PPM1H: variants seen among roughly 807,000 people sequenced by gnomAD.
PPM1H encodes the protein protein phosphatase, Mg2+/Mn2+ dependent 1H.
In PPM1H, 27 loss-of-function variants were observed where a neutral mutation model predicts 54.9. That is an observed-to-expected ratio of 0.49 (90% confidence interval 0.36 to 0.68). The LOEUF is 0.68. Among genes scored for constraint, PPM1H ranks in the 30% least tolerant of loss-of-function variants. PPM1H has a pLI of 0.00. For synonymous variants in PPM1H, 305 were observed against 270.8 expected, an observed-to-expected ratio of 1.13 and a Z score of -1.24; for missense variants, 596 against 667.8, an observed-to-expected ratio of 0.89 and a Z score of 1.19.
At chr12:62,790,161 C>G (rs1346593578) in intron 3 of PPM1H, among the ~76,000 whole-genome samples, 1 of 152,124 alleles carries the variant, frequency 6.6e-6, no homozygotes, top group Non-Finnish European at 1.5e-5. Flanking sequence ...GAAGTCAAGA[C>G]CCCAGCATTT....
Position 62,788,299 on chromosome 12 carries a change from A to T in PPM1H, c.796T>A (p.Ser266Thr). 1 of 1,590,886 alleles carries T rather than the reference A, an allele frequency of 6.3e-7. No homozygotes were observed. The highest frequency in any genetic ancestry group is 2.3e-5 in the East Asian group (1 of 44,218). The change falls in exon 4 of 10, where the codon TCT becomes ACT. Residue 266 changes from serine to threonine, a missense_variant. Transcript: ENST00000228705. Reference sequence around the variant, plus strand: ...ACAATGAGGGCCGTGCAGCCACCAGATATATTATATGAACTCCTCTCTCGT... The same window carrying T: ...ACAATGAGGGCCGTGCAGCCACCAGTTATATTATATGAACTCCTCTCTCGT... Reference protein sequence around the residue: ...IERERSSYNISGGCTALIVIC... With the variant: ...IERERSSYNITGGCTALIVIC...
intron 7 of PPM1H, among the ~76,000 whole-genome samples, chr12:62,690,499 T>C (rs1486333411): frequency 6.6e-6 from 1 of 152,184 alleles, no homozygotes; most frequent in African/African-American, 2.4e-5. Context: ...TGAGACCTCA[T>C]CCTGAACTGT....
chr12:62,871,568 G>C (rs1869986717), intron 1 of PPM1H, among the ~76,000 whole-genome samples: 1 of 148,846 alleles, frequency 6.7e-6, no homozygotes, highest in Non-Finnish European at 1.5e-5. Context: ...ATGCTGGAGG[G>C]TACTGGTGCC....
At chr12:62,713,735 G>A (rs1286872605) in intron 6 of PPM1H, among the ~76,000 whole-genome samples, 1 of 152,164 alleles carries the variant, frequency 6.6e-6, no homozygotes, top group Non-Finnish European at 1.5e-5. Context: ...TTGGGAGGCT[G>A]AGGCAGGAGG....
intron 2 of PPM1H, among the ~76,000 whole-genome samples, chr12:62,830,498 G>A (rs1014063625): frequency 1.3e-5 from 2 of 152,138 alleles, no homozygotes; most frequent in Non-Finnish European, 2.9e-5. Flanking sequence ...CTCGTGATCT[G>A]CCCGCCTTGG....
At position 62,925,231 on chromosome 12, in the gene PPM1H, T is replaced by C. The variant is rs535049288; in HGVS notation, c.245+9261A>G. Among the ~76,000 whole-genome samples the C allele has an allele frequency of 4.6e-5, 7 of 152,316 alleles. No homozygotes were observed. In the South Asian group the frequency reaches 6.2e-4, roughly 14 times the overall value. On this transcript the variant is annotated intron_variant, in intron 1 of 9. Coordinates refer to ENST00000228705, the MANE Select transcript of PPM1H (RefSeq NM_020700.2). The stretch of plus-strand genomic sequence containing the variant: ...AAAATAAACATCCATTCACCAAATA[T>C]GTCTGTCATTACCCTACCTGCCTAG...
chr12:62,839,077 G>C (rs908047514), intron 1 of PPM1H, among the ~76,000 whole-genome samples: 1 of 152,124 alleles, frequency 6.6e-6, no homozygotes, highest in Non-Finnish European at 1.5e-5. Context: ...ATTTGCTGTG[G>C]TGTTTGGCTT....
At chr12:62,788,127 C>T (rs2076683473) in intron 4 of PPM1H, 99 bp downstream of exon 4, 15 of 817,844 alleles carry the variant, frequency 1.8e-5, no homozygotes, top group Non-Finnish European at 2.9e-5. Flanking sequence ...ATGTAGAAGG[C>T]CTGTCTTTAA....
At chr12:62,792,006 A>C (rs1391386769) in intron 3 of PPM1H, among the ~76,000 whole-genome samples, 1 of 152,236 alleles carries the variant, frequency 6.6e-6, no homozygotes, top group African/African-American at 2.4e-5. Context: ...GATAGACTTG[A>C]TCAAACCACT....
rs190118185 is a variant in PPM1H, at chr12:62,684,820, T to G, written c.1245+4879A>C. On this transcript the variant is annotated intron_variant, in intron 8 of 9. Coordinates refer to ENST00000228705, the MANE Select transcript of PPM1H (RefSeq NM_020700.2). ...TATTCTTCCTTAGGTGGTTTCAGTA[T>G]GTTAATCGAGCTTTCTAGGCTCCCA... 4.6e-5 allele frequency among the ~76,000 whole-genome samples: 7 copies of G among 152,290 alleles called. 1 individual carries two copies. The East Asian group carries it at 1.2e-3, about 25-fold the overall frequency.
At position 62,930,067 on chromosome 12, in the gene PPM1H, C is replaced by T. The variant is rs538790075; in HGVS notation, c.245+4425G>A. On this transcript the variant is annotated intron_variant, in intron 1 of 9. Coordinates refer to ENST00000228705, the MANE Select transcript of PPM1H (RefSeq NM_020700.2). ...GAGCTTTGGGGCAAGAAAGAAATAG[C>T]GGTTTTTGTGTCTTCACCACCACCC... is the stretch of plus-strand genomic sequence containing the variant. 2.9e-4 allele frequency among the ~76,000 whole-genome samples: 44 copies of T among 152,202 alleles called. 1 individual carries two copies. Among genetic ancestry groups the T allele is most frequent in the South Asian group, 1.0e-3 (5 of 4,826 alleles).
At chr12:62,800,589 G>A (rs1333772064) in intron 3 of PPM1H, among the ~76,000 whole-genome samples, 3 of 151,758 alleles carry the variant, frequency 2.0e-5, no homozygotes, top group Admixed American at 6.6e-5. Flanking sequence ...CACCCACCTC[G>A]ACCTCCCAAA....
chr12:62,763,383 C>CT (rs2076522026), intron 4 of PPM1H, among the ~76,000 whole-genome samples: 1 of 152,224 alleles, frequency 6.6e-6, no homozygotes, highest in African/African-American at 2.4e-5. Flanking sequence ...AGCACCAAAT[C>CT]CAGATAGGGT....
At chr12:62,846,117 C>A (rs139858767) in intron 1 of PPM1H, among the ~76,000 whole-genome samples, 29 of 152,302 alleles carry the variant, frequency 1.9e-4, no homozygotes, top group Admixed American at 1.6e-3. Flanking sequence ...ACAGCAGGCC[C>A]GGACTGACCT....
intron 1 of PPM1H, among the ~76,000 whole-genome samples, chr12:62,834,987 C>T (rs1233394866): frequency 6.6e-6 from 1 of 152,160 alleles, no homozygotes; most frequent in African/African-American, 2.4e-5. Context: ...ACAACCATCC[C>T]TCCATACTGT....
intron 1 of PPM1H, among the ~76,000 whole-genome samples, chr12:62,905,210 T>C (rs1275881667): frequency 6.6e-6 from 1 of 152,210 alleles, no homozygotes; most frequent in African/African-American, 2.4e-5. Context: ...TGTAAGTAAT[T>C]GTTAAATAAA....
At chr12:62,715,096 G>A (rs1036344765) in intron 6 of PPM1H, among the ~76,000 whole-genome samples, 5 of 152,232 alleles carry the variant, frequency 3.3e-5, no homozygotes, top group Admixed American at 6.5e-5. Flanking sequence ...GCCACAAAGC[G>A]AGCTGTGAGA....
intron 1 of PPM1H, among the ~76,000 whole-genome samples, chr12:62,886,382 C>T (rs1482299426): frequency 6.6e-6 from 1 of 152,136 alleles, no homozygotes; most frequent in African/African-American, 2.4e-5. Context: ...TTATTTTGTG[C>T]ATTTTGGATG....
intron 9 of PPM1H, among the ~76,000 whole-genome samples, chr12:62,662,605 G>C (rs976346199): frequency 6.6e-6 from 1 of 152,180 alleles, no homozygotes; most frequent in African/African-American, 2.4e-5. Context: ...TGAACAATCA[G>C]AGAAGAGTTA....
Sources: allele counts gnomAD v4.1 joint callset (sites outside exome capture counted in the v4.1 genomes callset), GRCh38; gene constraint gnomAD v4.1.1; transcripts MANE v1.5; gene names NCBI Gene and HGNC (gene_info 2026-07-23, HGNC 2026-07-21).